HOXC9: variants seen among roughly 807,000 people sequenced by gnomAD.
The protein encoded by HOXC9 is homeobox C9.
Under a neutral mutation model 20.0 loss-of-function variants are expected in HOXC9, and 10 were observed. The observed-to-expected ratio is 0.50, with a 90% CI of 0.31 to 0.85. The LOEUF is 0.85. HOXC9 is among the 40% of genes least tolerant of loss of function. The probability of loss-of-function intolerance (pLI) is 0.05; values close to 1 mark genes in which losing one functional copy is unlikely to be tolerated. For missense variants in HOXC9, 394 were observed against 376.7 expected, an observed-to-expected ratio of 1.05 and a Z score of -0.38; for synonymous variants, 200 against 163.7, an observed-to-expected ratio of 1.22 and a Z score of -1.69.
rs1481657286 is a variant in HOXC9 at position 54,002,543 on chromosome 12, A to G, written c.652A>G (p.Thr218Ala). ...EKEFLFNMYL[T>A]RDRRYEVARV... ...GGAGTTTCTCTTCAATATGTATTTA[A>G]CCAGGGACCGTCGGTATGAGGTGGC... Residue 218 changes from threonine to alanine, a missense_variant, in exon 2 of 2, where the codon ACC becomes GCC. Coordinates refer to ENST00000303450, the MANE Select transcript of HOXC9 (RefSeq NM_006897.3). 1 of 1,614,186 alleles carries G rather than the reference A, an allele frequency of 6.2e-7. No homozygotes were observed. The highest frequency in any genetic ancestry group is 1.7e-5 in the Admixed American group (1 of 60,022).
rs563117304 is a variant in HOXC9, at chr12:54,001,864, A to G, written c.539-566A>G. ...AGGCCAGCGGCTCTCTGGGGAGAGG[A>G]GAAAGACTTTTCCCGTCTCAGCATC... On this transcript the variant is annotated intron_variant, in intron 1 of 1. Coordinates refer to ENST00000303450, the MANE Select transcript of HOXC9 (RefSeq NM_006897.3). Among the ~76,000 whole-genome samples the G allele has an allele frequency of 9.9e-5, 15 of 152,188 alleles. No individual in the cohort carries two copies. The South Asian group carries it at 2.9e-3, about 29-fold the overall frequency.
chr12:54,002,766 A>G lies in HOXC9; in HGVS notation c.*92A>G. The stretch of plus-strand genomic sequence containing the variant: ...ACAGGCGGGGGAGAGACGAAAAAGA[A>G]AAGGAAAGAGCAAGATAGACAAAAG... On this transcript the variant is annotated 3_prime_UTR_variant, in exon 2 of 2. Coordinates refer to ENST00000303450, the MANE Select transcript of HOXC9 (RefSeq NM_006897.3). 1 of 1,419,822 alleles carries G rather than the reference A, an allele frequency of 7.0e-7. No individual in the cohort carries two copies. Among genetic ancestry groups the G allele is most frequent in the Admixed American group, 2.3e-5 (1 of 43,560 alleles). The allele number at this position is 1,419,822 out of a possible 1,614,324, so 88.0% of individuals were successfully genotyped here.
At position 54,000,569 on chromosome 12, in the gene HOXC9, C is replaced by G; in HGVS notation, c.381C>G (p.Arg127=). 3.3e-6 allele frequency: 5 copies of G among 1,535,644 alleles called. No homozygotes were observed. The highest frequency in any genetic ancestry group is 2.4e-5 in the East Asian group (1 of 41,126). ...AGCCGGACGCCTACCCCGGGCGCCG[C>G]GCGGACTGCGGCCCAGGGGAGGGCC... ...ALKPDAYPGR[R]ADCGPGEGRS... Residue 127 remains arginine, a synonymous_variant, in exon 1 of 2, where the codon CGC becomes CGG. Coordinates refer to ENST00000303450, the MANE Select transcript of HOXC9 (RefSeq NM_006897.3).
rs116659696 is a variant in HOXC9 at position 54,003,014 on chromosome 12, A to G, written c.*340A>G. 1,949 of 184,628 alleles carry G rather than the reference A, an allele frequency of 0.011. 43 individuals are homozygous for G. The highest frequency in any genetic ancestry group is 0.043 in the African/African-American group (1,832 of 42,314). 11.4% of individuals were successfully genotyped at this position (184,628 alleles called of 1,614,324 possible). A position where few individuals can be genotyped will look rare whatever the true frequency, so the allele number is the denominator to read the frequency against. ...CAGAGAAGCCAGTACTTGAATCGCT[A>G]TATTTCTATTTTTTTTTCCCTGTAT... On this transcript the variant is annotated 3_prime_UTR_variant, in exon 2 of 2. Transcript: ENST00000303450.
chr12:54,001,419 T>A (rs1388916582), intron 1 of HOXC9, among the ~76,000 whole-genome samples: 1 of 148,562 alleles, frequency 6.7e-6, no homozygotes, highest in African/African-American at 2.6e-5. Flanking sequence ...CTCCCCAGAT[T>A]AGAGAATTCT....
In HOXC9 at chr12:54,002,884, A is replaced by T; in HGVS notation, c.*210A>T. 1 of 475,262 alleles carries T rather than the reference A, an allele frequency of 2.1e-6. No homozygotes were observed. Among genetic ancestry groups the T allele is most frequent in the Non-Finnish European group, 3.6e-6 (1 of 281,266 alleles). The allele number at this position is 475,262 out of a possible 1,614,324, so 29.4% of individuals were successfully genotyped here. On this transcript the variant is annotated 3_prime_UTR_variant, in exon 2 of 2. Transcript: ENST00000303450. ...GTTGAGATATTGGTGTTTTAGAGTT[A>T]GTTCTACCCAGCGAGGAGGAGGCGG...
At chr12:54,002,122 C>T (rs546237769) in intron 1 of HOXC9, among the ~76,000 whole-genome samples, 2 of 152,026 alleles carry the variant, frequency 1.3e-5, no homozygotes, top group South Asian at 2.1e-4. Flanking sequence ...GCCTATGAAA[C>T]GGTTGGGAAT....
intron 1 of HOXC9, 35 bp downstream of exon 1, chr12:54,000,761 CGGGAGGGGAG>C (rs770065757): frequency 7.1e-7 from 1 of 1,405,276 alleles, no homozygotes; most frequent in East Asian, 2.7e-5. Flanking sequence ...ACAACCGGCG[CGGGAGGGGAG>C]GGGAGGACGG....
rs1194693194 is a variant in HOXC9, at chr12:54,000,668, C to T, written c.480C>T (p.Pro160=). 1.3e-6 allele frequency: 2 copies of T among 1,564,542 alleles called. No homozygotes were observed. The highest frequency in any genetic ancestry group is 1.2e-5 in the South Asian group (1 of 86,316). ...GCGCCCCGCAGACACTGCCCTCGCC[C>T]GAGGCGGACGCGCTCGCCGGCAGCA... The part of the protein sequence containing the change: ...RDRAPQTLPS[P]EADALAGSKH... The change falls in exon 1 of 2, where the codon CCC becomes CCT. Residue 160 remains proline (P), a synonymous_variant. Transcript: ENST00000303450.
chr12:54,001,929 G>A (rs1231844445), intron 1 of HOXC9, among the ~76,000 whole-genome samples: 2 of 152,128 alleles, frequency 1.3e-5, no homozygotes, highest in Non-Finnish European at 2.9e-5. Flanking sequence ...ACTCCAAGCG[G>A]GAGGATGGTG....
rs1258596274 is a variant in HOXC9, at chr12:54,003,312, A to G, written c.*638A>G. Reference sequence around the variant, plus strand: ...GTTATGGTAGAACAGCCCTGTGTTAATATATTGAAGTCACTTAACCAGAAA... The same window carrying G: ...GTTATGGTAGAACAGCCCTGTGTTAGTATATTGAAGTCACTTAACCAGAAA... On this transcript the variant is annotated 3_prime_UTR_variant, in exon 2 of 2. Transcript: ENST00000303450. The G allele has an allele frequency of 1.3e-5, 2 of 152,274 alleles. No homozygotes were observed. The highest frequency in any genetic ancestry group is 2.9e-5 in the Non-Finnish European group (2 of 68,108). 9.4% of individuals were successfully genotyped at this position (152,274 alleles called of 1,614,324 possible).
intron 1 of HOXC9, among the ~76,000 whole-genome samples, chr12:54,002,149 G>T (rs1939761089): frequency 1.3e-5 from 2 of 152,126 alleles, no homozygotes; most frequent in South Asian, 4.1e-4. Flanking sequence ...TTTTTATGAG[G>T]ATATTCTCAA....
chr12:54,002,804 A>T lies in HOXC9; in HGVS notation c.*130A>T, dbSNP rs1939776684. The T allele has an allele frequency of 1.8e-6, 2 of 1,094,810 alleles. No homozygotes were observed. Among genetic ancestry groups the T allele is most frequent in the South Asian group, 3.7e-5 (2 of 54,624 alleles). The allele number at this position is 1,094,810 out of a possible 1,614,324, so 67.8% of individuals were successfully genotyped here. ...AGATAGACAAAAGCCAATCAGCTTA[A>T]AAAGAAAAACAAGGAAGGGGAAAAG... On this transcript the variant is annotated 3_prime_UTR_variant, in exon 2 of 2. Transcript: ENST00000303450.
rs1406363022 is a variant in HOXC9 at position 54,000,701 on chromosome 12, A to G, written c.513A>G (p.Lys171=). The G allele has an allele frequency of 1.9e-5, 29 of 1,567,336 alleles. No individual in the cohort carries two copies. Among genetic ancestry groups the G allele is most frequent in the Non-Finnish European group, 2.5e-5 (29 of 1,163,128 alleles). ...ACGCGCTCGCCGGCAGCAAGCACAA[A>G]GAGGAGAAGGCCGACCTGGACCCCA... is the stretch of plus-strand genomic sequence containing the variant. The part of the protein sequence containing the change: ...EADALAGSKH[K]EEKADLDPSN... Residue 171 remains lysine (K), a synonymous_variant, in exon 1 of 2, where the codon AAA becomes AAG. Transcript: ENST00000303450.
Position 54,000,821 on chromosome 12 carries a change from G to A in HOXC9, c.538+95G>A, listed in dbSNP as rs1939724888. 4 of 1,164,742 alleles carry A rather than the reference G, an allele frequency of 3.4e-6. No homozygotes were observed. The Admixed American group carries it at 1.1e-4, about 31-fold the overall frequency. 72.2% of individuals were successfully genotyped at this position (1,164,742 alleles called of 1,614,324 possible). A position where few individuals can be genotyped will look rare whatever the true frequency, so the allele number is the denominator to read the frequency against. On this transcript the variant is annotated intron_variant, in intron 1 of 1. Transcript: ENST00000303450. Reference sequence around the variant, plus strand: ...ATTACAGCCCTCCCGAACCGTGCAGGGAGCGCGGGAGAGGGGCGAGGGGGC... The same window carrying A: ...ATTACAGCCCTCCCGAACCGTGCAGAGAGCGCGGGAGAGGGGCGAGGGGGC...
rs1366656036 is a variant in HOXC9, at chr12:54,000,594, C to T, written c.406C>T (p.Arg136Cys). The change falls in exon 1 of 2, where the codon CGC (arginine) becomes TGC (cysteine). Residue 136 changes from arginine to cysteine, a missense_variant. Transcript: ENST00000303450. ...CGCGGACTGCGGCCCAGGGGAGGGC[C>T]GCAGCTACCCGGACTACATGTACGG... ...RRADCGPGEGRSYPDYMYGSP... is the reference protein window; with the variant it reads ...RRADCGPGEGCSYPDYMYGSP... 6.5e-7 allele frequency: 1 copy of T among 1,531,452 alleles called. No homozygotes were observed. The highest frequency in any genetic ancestry group is 1.4e-5 in the African/African-American group (1 of 72,032). The allele number at this position is 1,531,452 out of a possible 1,614,324, so 94.9% of individuals were successfully genotyped here.
Position 54,002,436 on chromosome 12 carries a change from C to A in HOXC9, c.545C>A (p.Pro182His). The A allele has an allele frequency of 1.2e-6, 2 of 1,613,576 alleles. No homozygotes were observed. The highest frequency in any genetic ancestry group is 1.7e-6 in the Non-Finnish European group (2 of 1,179,682). The change falls in exon 2 of 2, where the codon CCC becomes CAC. Residue 182 changes from proline (P) to histidine (H), a missense_variant. Transcript: ENST00000303450. Reference protein sequence around the residue: ...EEKADLDPSNPVANWIHARST... With the variant: ...EEKADLDPSNHVANWIHARST... ...CTTGTGTTTGGCCCTCCAGGCAACC[C>A]CGTGGCCAACTGGATTCACGCCCGC...
At position 54,003,305 on chromosome 12, in the gene HOXC9, T is replaced by C. The variant is rs1939793792; in HGVS notation, c.*631T>C. The C allele has an allele frequency of 6.6e-6, 1 of 152,308 alleles. No individual in the cohort carries two copies. The highest frequency in any genetic ancestry group is 1.9e-4 in the East Asian group (1 of 5,190). 9.4% of individuals were successfully genotyped at this position (152,308 alleles called of 1,614,324 possible). A position where few individuals can be genotyped will look rare whatever the true frequency, so the allele number is the denominator to read the frequency against. On this transcript the variant is annotated 3_prime_UTR_variant, in exon 2 of 2. Transcript: ENST00000303450. ...TCTGTTTGTTATGGTAGAACAGCCC[T>C]GTGTTAATATATTGAAGTCACTTAA... is the stretch of plus-strand genomic sequence containing the variant.
chr12:54,002,588 G>A lies in HOXC9; in HGVS notation c.697G>A (p.Glu233Lys), dbSNP rs1357729077. 6.2e-7 allele frequency: 1 copy of A among 1,614,124 alleles called. No homozygotes were observed. The highest frequency in any genetic ancestry group is 8.5e-7 in the Non-Finnish European group (1 of 1,180,032). Residue 233 changes from glutamate (E) to lysine (K), a missense_variant, in exon 2 of 2, where the codon GAG becomes AAG. Transcript: ENST00000303450. ...YEVARVLNLT[E>K]RQVKIWFQNR... is the part of the protein sequence containing the mutation. ...GGTGGCCCGGGTTCTCAATCTCACCGAGCGGCAGGTCAAAATCTGGTTTCA... is the reference window on the plus strand; with the variant it reads ...GGTGGCCCGGGTTCTCAATCTCACCAAGCGGCAGGTCAAAATCTGGTTTCA...
Sources: allele counts gnomAD v4.1 joint callset (sites outside exome capture counted in the v4.1 genomes callset), GRCh38; gene constraint gnomAD v4.1.1; transcripts MANE v1.5; gene names NCBI Gene and HGNC (gene_info 2026-07-23, HGNC 2026-07-21).